Variants in NAPA observed in about 807,000 individuals in gnomAD.
The protein encoded by NAPA is NSF attachment protein alpha.
Under a neutral mutation model 48.0 loss-of-function variants are expected in NAPA, and 18 were observed. The ratio of observed to expected loss-of-function variants is 0.38; its 90% CI spans 0.26 to 0.56. NAPA has a LOEUF of 0.56. Among genes scored for constraint, NAPA ranks in the 20% least tolerant of loss-of-function variants. NAPA has a pLI of 0.77. For synonymous variants in NAPA, 152 were observed against 149.9 expected (o/e 1.01, Z -0.10); for missense variants, 315 against 385.0 (o/e 0.82, Z 1.52).
intron 3 of NAPA, among the ~76,000 whole-genome samples, chr19:47,499,089 C>T (rs1488431297): frequency 6.6e-6 from 1 of 152,200 alleles, no homozygotes; most frequent in Non-Finnish European, 1.5e-5. Context: ...TTCCTAAGGC[C>T]AGGGAGGGGC....
At chr19:47,501,358 C>G (rs1241929349) in intron 2 of NAPA, 4 of 152,298 alleles carry the variant, frequency 2.6e-5, no homozygotes, top group Non-Finnish European at 5.9e-5. Context: ...CATCTACTCC[C>G]CTTTCCAAGT....
At chr19:47,484,702 C>A (rs984581204), downstream of NAPA, among the ~76,000 whole-genome samples, 2 of 148,338 alleles carry the variant, frequency 1.3e-5, no homozygotes, top group African/African-American at 5.0e-5. Flanking sequence ...CTCCACAGTT[C>A]ACTATTTTTT....
intron 1 of NAPA, among the ~76,000 whole-genome samples, chr19:47,503,907 C>A (rs754840314): frequency 1.3e-5 from 2 of 152,208 alleles, no homozygotes; most frequent in African/African-American, 4.8e-5. Flanking sequence ...TTTAAGACAT[C>A]GTGTTGCTTT....
chr19:47,513,846 CTTTTTTTT>C (rs776314156), intron 1 of NAPA, among the ~76,000 whole-genome samples: 1 of 115,852 alleles, frequency 8.6e-6, no homozygotes, highest in African/African-American at 3.8e-5. Flanking sequence ...TTCTTTCTTT[CTTTTTTTT>C]TTTTTTTTTT....
intron 9 of NAPA, among the ~76,000 whole-genome samples, 185 bp downstream of exon 9, chr19:47,490,603 C>T (rs571899724): frequency 1.3e-5 from 2 of 151,726 alleles, no homozygotes; most frequent in South Asian, 2.1e-4. Context: ...CAGCACTCCC[C>T]GAGTTGTACT....
chr19:47,494,521 T>A (rs1968364730), intron 4 of NAPA, among the ~76,000 whole-genome samples: 1 of 151,878 alleles, frequency 6.6e-6, no homozygotes, highest in Admixed American at 6.6e-5. Context: ...GTGGATCACT[T>A]GAGGTCAGGA....
In NAPA at chr19:47,514,868, G is replaced by A; in HGVS notation, c.73C>T (p.Gln25Ter). 1 of 1,614,054 alleles carries A rather than the reference G, an allele frequency of 6.2e-7. No individual in the cohort carries two copies. Among genetic ancestry groups the A allele is most frequent in the Admixed American group, 1.7e-5 (1 of 60,018 alleles). Residue 25 changes from glutamine (Q) to a stop codon, truncating the protein, a stop_gained, in exon 1 of 11, where the codon CAG becomes TAG. Transcript: ENST00000263354. LOFTEE classifies it high-confidence loss of function. ...CCAAAGAGGCCAGAGAAGAAGGACT[G>A]CGAGTTCTTCACTTTGCGCTCCGCC... ...AEAERKVKNSQSFFSGLFGGS... is the reference protein window; with the variant it reads ...AEAERKVKNS
Position 47,514,987 on chromosome 19 carries a change from A to G in NAPA, c.-47T>C. 6.3e-7 allele frequency: 1 copy of G among 1,582,908 alleles called. No homozygotes were observed. Among genetic ancestry groups the G allele is most frequent in the East Asian group, 2.3e-5 (1 of 44,078 alleles). The stretch of plus-strand genomic sequence containing the variant: ...CAAAGCGCCTGACCCTGACCCTGGG[A>G]AGACTCAGCCGCGGCCGGGCCGCGG... On this transcript the variant is annotated 5_prime_UTR_variant, in exon 1 of 11. Transcript: ENST00000263354.
chr19:47,494,756 A>AC (rs1424422179), intron 4 of NAPA, among the ~76,000 whole-genome samples: 2 of 145,682 alleles, frequency 1.4e-5, no homozygotes, highest in East Asian at 4.2e-4. Flanking sequence ...AAAAAAAAAA[A>AC]AAGAGAGAGA....
chr19:47,511,146 G>A (rs371179456), intron 1 of NAPA, among the ~76,000 whole-genome samples: 1 of 152,242 alleles, frequency 6.6e-6, no homozygotes, highest in Admixed American at 6.5e-5. Flanking sequence ...GGGGAAGGGA[G>A]AGGCACCAAG....
chr19:47,494,279 A>G (rs1968358093), intron 4 of NAPA, among the ~76,000 whole-genome samples: 1 of 152,228 alleles, frequency 6.6e-6, no homozygotes, highest in Admixed American at 6.5e-5. Context: ...CCAACCTCAC[A>G]GGGCTGTGGA....
chr19:47,504,397 C>CAA (rs11367620), intron 1 of NAPA, among the ~76,000 whole-genome samples: 212 of 56,920 alleles, frequency 3.7e-3, no homozygotes, highest in African/African-American at 7.2e-3. Context: ...GACCTTGTCT[C>CAA]AAAAAAAAAA....
In NAPA at chr19:47,500,592, G is replaced by A. The variant is rs373708238; in HGVS notation, c.295+41C>T. The A allele has an allele frequency of 2.5e-5, 38 of 1,526,142 alleles. No homozygotes were observed. In the African/African-American group the frequency reaches 3.8e-4, roughly 15 times the overall value. 94.5% of individuals were successfully genotyped at this position (1,526,142 alleles called of 1,614,324 possible). ...AATCAATGCAGGGTGCTAGGATGGC[G>A]CTCCGGACAGCCAGCCCGTGTGGCC... On this transcript the variant is annotated intron_variant, in intron 3 of 10. Coordinates refer to ENST00000263354, the MANE Select transcript of NAPA (RefSeq NM_003827.4).
At chr19:47,492,377 G>T in intron 7 of NAPA, 1 of 496,788 alleles carries the variant, frequency 2.0e-6, no homozygotes. Flanking sequence ...GGCCTTCTGA[G>T]AGCCTGAGAC....
At chr19:47,508,102 C>A (rs1457347951) in intron 1 of NAPA, among the ~76,000 whole-genome samples, 1 of 152,174 alleles carries the variant, frequency 6.6e-6, no homozygotes, top group Non-Finnish European at 1.5e-5. Flanking sequence ...CTGCTCTCTG[C>A]TGGGGCTGCG....
At chr19:47,498,212 T>C (rs1968480731) in intron 3 of NAPA, among the ~76,000 whole-genome samples, 2 of 152,160 alleles carry the variant, frequency 1.3e-5, no homozygotes, top group Middle Eastern at 3.2e-3. Context: ...CCTTCTAGGC[T>C]GCTGAGGAGA....
At position 47,492,100 on chromosome 19, in the gene NAPA, T is replaced by A; in HGVS notation, c.581A>T (p.Asp194Val). The change falls in exon 8 of 11, where the codon GAC becomes GTC. Residue 194 changes from aspartate (D) to valine (V), a missense_variant. Coordinates refer to ENST00000263354, the MANE Select transcript of NAPA (RefSeq NM_003827.4). Reference sequence around the variant, plus strand: ...GGCGCTGTACTTGAGGAGGGGGCTGTCCATGGCATTGGTCCCCACCTGTAG... The same window carrying A: ...GGCGCTGTACTTGAGGAGGGGGCTGACCATGGCATTGGTCCCCACCTGTAG... ...IYEQVGTNAM[D>V]SPLLKYSAKD... The A allele has an allele frequency of 6.2e-7, 1 of 1,613,984 alleles. No homozygotes were observed. Among genetic ancestry groups the A allele is most frequent in the Non-Finnish European group, 8.5e-7 (1 of 1,179,924 alleles).
In NAPA at chr19:47,492,936, A is replaced by C. The variant is rs1968317415; in HGVS notation, c.561+25T>G. Reference sequence around the variant, plus strand: ...AGGCCCTGAGAGGGGGCAGGGTGGAAGCCGCCATCCCCACCTGTCCCCACC... The same window carrying C: ...AGGCCCTGAGAGGGGGCAGGGTGGACGCCGCCATCCCCACCTGTCCCCACC... On this transcript the variant is annotated intron_variant, in intron 7 of 10. Coordinates refer to ENST00000263354, the MANE Select transcript of NAPA (RefSeq NM_003827.4). 5 of 1,611,212 alleles carry C rather than the reference A, an allele frequency of 3.1e-6. No individual in the cohort carries two copies. The South Asian group carries it at 5.5e-5, about 18-fold the overall frequency.
intron 4 of NAPA, among the ~76,000 whole-genome samples, chr19:47,494,276 C>T (rs1433804218): frequency 1.3e-5 from 2 of 152,240 alleles, no homozygotes; most frequent in African/African-American, 4.8e-5. Context: ...ATGCCAACCT[C>T]ACAGGGCTGT....
Sources: allele counts gnomAD v4.1 joint callset (sites outside exome capture counted in the v4.1 genomes callset), GRCh38; gene constraint gnomAD v4.1.1; transcripts MANE v1.5; gene names NCBI Gene and HGNC (gene_info 2026-07-23, HGNC 2026-07-21).